ZNF865: variants seen among roughly 807,000 people sequenced by gnomAD.
ZNF865 encodes zinc finger protein 865.
For missense variants in ZNF865, 1,311 were observed against 1,593.4 expected (o/e 0.82, Z 3.02); for synonymous variants, 763 against 750.8 (o/e 1.02, Z -0.27).
At chr19:55,612,847 C>T (rs1036204419) in intron 1 of ZNF865, 1 of 152,276 alleles carries the variant, frequency 6.6e-6, no homozygotes, top group Non-Finnish European at 1.5e-5. Flanking sequence ...GGCCACACAG[C>T]TAGAAGTGGC....
intron 1 of ZNF865, chr19:55,612,861 G>C (rs1467170439): frequency 1.3e-5 from 2 of 152,264 alleles, no homozygotes; most frequent in African/African-American, 2.4e-5. Flanking sequence ...AAGTGGCAGG[G>C]CTTACATTTG....
chr19:55,606,443 A>C (rs1238251592), intron 1 of ZNF865, among the ~76,000 whole-genome samples: 1 of 152,126 alleles, frequency 6.6e-6, no homozygotes, highest in African/African-American at 2.4e-5. Context: ...CCGCCTGCTT[A>C]GCTCCAGGCT....
In ZNF865 at chr19:55,613,720, G is replaced by A. The variant is rs1181389747; in HGVS notation, c.102G>A (p.Leu34=). The part of the protein sequence containing the change: ...VHFQSYPFDF[L]EFLNHQRFEP... The stretch of plus-strand genomic sequence containing the variant: ...TCCAGAGCTACCCCTTCGACTTCCT[G>A]GAATTCCTCAACCACCAGCGCTTCG... Residue 34 remains leucine, a synonymous_variant, in exon 2 of 2, where the codon CTG becomes CTA. Transcript: ENST00000568956. The A allele has an allele frequency of 6.5e-7, 1 of 1,534,634 alleles. No homozygotes were observed.
intron 1 of ZNF865, among the ~76,000 whole-genome samples, chr19:55,607,780 G>A (rs940917204): frequency 6.6e-6 from 1 of 152,116 alleles, no homozygotes; most frequent in Non-Finnish European, 1.5e-5. Flanking sequence ...TCTTAACAGC[G>A]CCCTAACCCC....
At position 55,607,153 on chromosome 19, in the gene ZNF865, T is replaced by C. The variant is rs140024290; in HGVS notation, c.-27+1421T>C. The stretch of plus-strand genomic sequence containing the variant: ...GTCAGCTCTACCGAGCCCAGAATGT[T>C]CTTCATTCATTCATACGTTCATTCG... On this transcript the variant is annotated intron_variant, in intron 1 of 1. Transcript: ENST00000568956. Among the ~76,000 whole-genome samples the C allele has an allele frequency of 7.2e-3, 1,090 of 152,276 alleles. 11 individuals carry two copies. Among genetic ancestry groups the C allele is most frequent in the African/African-American group, 0.025 (1,022 of 41,542 alleles).
Position 55,614,493 on chromosome 19 carries a change from C to T in ZNF865, c.875C>T (p.Pro292Leu), listed in dbSNP as rs1475426409. ...GGPPQPGPHLPPLGLPAPAAS... is the reference protein window; with the variant it reads ...GGPPQPGPHLLPLGLPAPAAS... ...CCGCCCCAGCCCGGCCCCCACCTCC[C>T]GCCGCTGGGCCTCCCAGCACCCGCT... Residue 292 changes from proline (P) to leucine (L), a missense_variant, in exon 2 of 2, where the codon CCG becomes CTG. Coordinates refer to ENST00000568956, the MANE Select transcript of ZNF865 (RefSeq NM_001195605.2). This position sits in a 1 kb window ranked among gnomAD's most constrained non-coding sequence, Gnocchi z 8.0. 19 of 1,354,380 alleles carry T rather than the reference C, an allele frequency of 1.4e-5. No homozygotes were observed. The Admixed American group carries it at 1.5e-4, about 11-fold the overall frequency. 83.9% of individuals were successfully genotyped at this position (1,354,380 alleles called of 1,614,324 possible). A position where few individuals can be genotyped will look rare whatever the true frequency, so the allele number is the denominator to read the frequency against.
chr19:55,613,675 G>A lies in ZNF865; in HGVS notation c.57G>A (p.Gly19=), dbSNP rs1244112748. 6.5e-7 allele frequency: 1 copy of A among 1,531,572 alleles called. No homozygotes were observed. 94.9% of individuals were successfully genotyped at this position (1,531,572 alleles called of 1,614,324 possible). A position where few individuals can be genotyped will look rare whatever the true frequency, so the allele number is the denominator to read the frequency against. ...GAGGGGSSGI[G]GEDGVHFQSY... ...GGGGTGGCGGGAGCAGCGGCATCGG[G>A]GGCGAGGACGGGGTGCACTTCCAGA... Residue 19 remains glycine (G), a synonymous_variant, in exon 2 of 2, where the codon GGG becomes GGA. Transcript: ENST00000568956.
In ZNF865 at chr19:55,615,089, C is replaced by G; in HGVS notation, c.1471C>G (p.Pro491Ala). 1 of 1,205,132 alleles carries G rather than the reference C, an allele frequency of 8.3e-7. No individual in the cohort carries two copies. Among genetic ancestry groups the G allele is most frequent in the Non-Finnish European group, 1.0e-6 (1 of 968,988 alleles). 74.7% of individuals were successfully genotyped at this position (1,205,132 alleles called of 1,614,324 possible). ...PQPPPTFPPG[P>A]YLLPPDPPTT... ...GCCCCCGCCCACCTTCCCCCCGGGC[C>G]CGTACCTCCTGCCCCCCGACCCTCC... Residue 491 changes from proline (P) to alanine (A), a missense_variant, in exon 2 of 2, where the codon CCG becomes GCG. Transcript: ENST00000568956.
rs12978150 is a variant in ZNF865, at chr19:55,605,688, C to T, written c.-71C>T. 7 of 151,992 alleles carry T rather than the reference C, an allele frequency of 4.6e-5. No homozygotes were observed. Among genetic ancestry groups the T allele is most frequent in the Admixed American group, 2.0e-4 (3 of 15,268 alleles). 9.4% of individuals were successfully genotyped at this position (151,992 alleles called of 1,614,324 possible). On this transcript the variant is annotated 5_prime_UTR_variant, in exon 1 of 2. Coordinates refer to ENST00000568956, the MANE Select transcript of ZNF865 (RefSeq NM_001195605.2). ...TCGGGTCTCCCCGGAGCGGCGGCGC[C>T]TCCTCCGCCTCCTCGGCCTCCTCCC... is the stretch of plus-strand genomic sequence containing the variant.
chr19:55,605,886 C>T (rs1980920768), intron 1 of ZNF865, among the ~76,000 whole-genome samples, 154 bp downstream of exon 1: 1 of 152,162 alleles, frequency 6.6e-6, no homozygotes, highest in Admixed American at 6.5e-5. Flanking sequence ...ATCACTGCTC[C>T]CCGGTAGGAT....
chr19:55,608,440 G>A (rs553775710), intron 1 of ZNF865, among the ~76,000 whole-genome samples: 4 of 150,384 alleles, frequency 2.7e-5, no homozygotes, highest in Admixed American at 2.0e-4. Flanking sequence ...TCAGCCTCCC[G>A]AGTAGCTGGG....
intron 1 of ZNF865, among the ~76,000 whole-genome samples, chr19:55,610,598 G>A (rs751244638): frequency 4.1e-4 from 62 of 152,306 alleles, no homozygotes; most frequent in South Asian, 1.9e-3. Context: ...TGGACCCATT[G>A]GTAATTTAGG....
chr19:55,616,605 A>G lies in ZNF865; in HGVS notation c.2987A>G (p.Lys996Arg). ...RPELRCPACLKAFKDPGYFRK... is the reference protein window; with the variant it reads ...RPELRCPACLRAFKDPGYFRK... ...GAGCTCCGCTGCCCCGCCTGCCTCA[A>G]GGCCTTCAAGGATCCCGGCTACTTC... The change falls in exon 2 of 2, where the codon AAG becomes AGG. Residue 996 changes from lysine (K) to arginine (R), a missense_variant. Coordinates refer to ENST00000568956, the MANE Select transcript of ZNF865 (RefSeq NM_001195605.2). The G allele has an allele frequency of 6.6e-7, 1 of 1,525,924 alleles. No homozygotes were observed. The highest frequency in any genetic ancestry group is 1.4e-5 in the African/African-American group (1 of 72,622). 94.5% of individuals were successfully genotyped at this position (1,525,924 alleles called of 1,614,324 possible). A position where few individuals can be genotyped will look rare whatever the true frequency, so the allele number is the denominator to read the frequency against.
In ZNF865 at chr19:55,616,976, C is replaced by T. The variant is rs958554398; in HGVS notation, c.*178C>T. The T allele has an allele frequency of 3.0e-5, 17 of 564,156 alleles. No individual in the cohort carries two copies. Among genetic ancestry groups the T allele is most frequent in the Non-Finnish European group, 4.9e-5 (17 of 347,742 alleles). The allele number at this position is 564,156 out of a possible 1,614,324, so 34.9% of individuals were successfully genotyped here. A position where few individuals can be genotyped will look rare whatever the true frequency, so the allele number is the denominator to read the frequency against. On this transcript the variant is annotated 3_prime_UTR_variant, in exon 2 of 2. Coordinates refer to ENST00000568956, the MANE Select transcript of ZNF865 (RefSeq NM_001195605.2). ...AAGACTGAATCACTCCCATCCTCGA[C>T]CTCTCTGCCCTCCCCTCATCCCATC... is the stretch of plus-strand genomic sequence containing the variant.
At position 55,615,032 on chromosome 19, in the gene ZNF865, G is replaced by T; in HGVS notation, c.1414G>T (p.Ala472Ser). The T allele has an allele frequency of 7.6e-7, 1 of 1,311,436 alleles. No homozygotes were observed. Among genetic ancestry groups the T allele is most frequent in the Non-Finnish European group, 9.7e-7 (1 of 1,034,018 alleles). 81.2% of individuals were successfully genotyped at this position (1,311,436 alleles called of 1,614,324 possible). The change falls in exon 2 of 2, where the codon GCG becomes TCG. Residue 472 changes from alanine to serine, a missense_variant. By Grantham distance (99) the Ala-to-Ser change is moderately conservative (BLOSUM62 1). Transcript: ENST00000568956. Reference sequence around the variant, plus strand: ...CGCCCCGCCCGCTGCCGCTGCGGAGGCGCCCAAGGACGGGGCGGCCTCGGC... The same window carrying T: ...CGCCCCGCCCGCTGCCGCTGCGGAGTCGCCCAAGGACGGGGCGGCCTCGGC... The part of the protein sequence containing the change: ...AHAPPAAAAE[A>S]PKDGAASAPQ...
At position 55,615,804 on chromosome 19, in the gene ZNF865, C is replaced by G. The variant is rs1466207474; in HGVS notation, c.2186C>G (p.Pro729Arg). 1 of 1,511,932 alleles carries G rather than the reference C, an allele frequency of 6.6e-7. No homozygotes were observed. Among genetic ancestry groups the G allele is most frequent in the Admixed American group, 2.1e-5 (1 of 47,730 alleles). 93.7% of individuals were successfully genotyped at this position (1,511,932 alleles called of 1,614,324 possible). ...GCCGCCCCCGAGCGCCTGCTCCCGC[C>G]CGCACCCGGCGGCCTGCAGCCCCCG... ...HQAAPERLLP[P>R]APGGLQPPDG... The change falls in exon 2 of 2, where the codon CCC becomes CGC. Residue 729 changes from proline (P) to arginine (R), a missense_variant. By Grantham distance (103) the Pro-to-Arg change is moderately radical. Coordinates refer to ENST00000568956, the MANE Select transcript of ZNF865 (RefSeq NM_001195605.2).
intron 1 of ZNF865, among the ~76,000 whole-genome samples, chr19:55,607,687 C>T (rs191326531): frequency 6.6e-6 from 1 of 152,322 alleles, no homozygotes; most frequent in African/African-American, 2.4e-5. Context: ...CATCTTGTCC[C>T]TCCCAAAAGC....
At chr19:55,607,495 C>T (rs550046920) in intron 1 of ZNF865, among the ~76,000 whole-genome samples, 2 of 151,026 alleles carry the variant, frequency 1.3e-5, no homozygotes, top group South Asian at 4.2e-4. Flanking sequence ...CTGTAGTCCC[C>T]AGCTATTCAG....
intron 1 of ZNF865, among the ~76,000 whole-genome samples, chr19:55,607,021 G>A (rs887522104): frequency 2.0e-5 from 3 of 152,186 alleles, no homozygotes; most frequent in Non-Finnish European, 4.4e-5. Flanking sequence ...AGCAGGGGAG[G>A]CCGGTGAGGG....
Sources: allele counts gnomAD v4.1 joint callset (sites outside exome capture counted in the v4.1 genomes callset), GRCh38; gene constraint gnomAD v4.1.1; non-coding constraint Gnocchi (gnomAD v3.1); transcripts MANE v1.5; gene names NCBI Gene and HGNC (gene_info 2026-07-23, HGNC 2026-07-21).